Variants in GRIK2 observed in about 807,000 individuals in gnomAD.
GRIK2 encodes the protein glutamate ionotropic receptor kainate type subunit 2.
In GRIK2, 32 loss-of-function variants were observed where a neutral mutation model predicts 100.3. That is an observed-to-expected ratio of 0.32 (90% CI 0.24 to 0.43). GRIK2 has a LOEUF of 0.43. GRIK2 is among the 20% of genes least tolerant of loss of function. The pLI, the probability that GRIK2 is intolerant of heterozygous loss-of-function variation, is 1.00. For synonymous variants in GRIK2, 417 were observed against 389.4 expected (o/e 1.07, Z -0.83); for missense variants, 843 against 1,114.9 (o/e 0.76, Z 3.47).
chr6:101,967,234 A>G (rs1792740599), intron 14 of GRIK2, among the ~76,000 whole-genome samples: 1 of 152,048 alleles, frequency 6.6e-6, no homozygotes, highest in African/African-American at 2.4e-5. Context: ...TAAAAATTAA[A>G]TTGCCTACTT....
intron 4 of GRIK2, among the ~76,000 whole-genome samples, chr6:101,667,043 A>G (rs576399910): frequency 6.6e-6 from 1 of 152,302 alleles, no homozygotes; most frequent in South Asian, 2.1e-4. Context: ...ACCTTTGTCT[A>G]TATTTGTTCA....
At chr6:101,915,312 TA>T (rs1332743772) in intron 12 of GRIK2, among the ~76,000 whole-genome samples, 1 of 151,406 alleles carries the variant, frequency 6.6e-6, no homozygotes, top group African/African-American at 2.4e-5. Context: ...GCAGGTTACA[TA>T]AACTACGTAT....
At chr6:101,965,987 G>A (rs1399175104) in intron 14 of GRIK2, among the ~76,000 whole-genome samples, 1 of 151,956 alleles carries the variant, frequency 6.6e-6, no homozygotes, top group Non-Finnish European at 1.5e-5. Flanking sequence ...ATCCACATTA[G>A]ATAGCATAGA....
At chr6:101,794,040 C>T (rs183629353) in intron 7 of GRIK2, among the ~76,000 whole-genome samples, 20 of 152,254 alleles carry the variant, frequency 1.3e-4, no homozygotes, top group Non-Finnish European at 2.2e-4. Flanking sequence ...TCTCCTGGTG[C>T]GCCATTTCCT....
At chr6:101,436,993 T>A (rs1769755882) in intron 2 of GRIK2, among the ~76,000 whole-genome samples, 1 of 151,154 alleles carries the variant, frequency 6.6e-6, no homozygotes, top group Non-Finnish European at 1.5e-5. Context: ...GCATGAATTT[T>A]AAAAATAATT....
intron 7 of GRIK2, among the ~76,000 whole-genome samples, chr6:101,739,154 T>C (rs987493760): frequency 6.6e-6 from 1 of 152,260 alleles, no homozygotes; most frequent in African/African-American, 2.4e-5. Context: ...TAAGATTTTT[T>C]TGAATATGTC....
chr6:101,656,646 T>C (rs1769206302), intron 4 of GRIK2, among the ~76,000 whole-genome samples: 2 of 152,136 alleles, frequency 1.3e-5, no homozygotes, highest in South Asian at 4.1e-4. Context: ...TAACACATAA[T>C]GAATATCTAT....
At chr6:101,432,816 TA>T (rs1477959379) in intron 2 of GRIK2, among the ~76,000 whole-genome samples, 4 of 152,178 alleles carry the variant, frequency 2.6e-5, no homozygotes, top group Non-Finnish European at 5.9e-5. Context: ...ATCATCTAAA[TA>T]TTTTTTTCTT....
At chr6:101,867,514 A>G (rs922216406) in intron 11 of GRIK2, among the ~76,000 whole-genome samples, 1 of 151,814 alleles carries the variant, frequency 6.6e-6, no homozygotes, top group Non-Finnish European at 1.5e-5. Context: ...TGTAATTCTG[A>G]TTTATGCTAT....
chr6:101,722,139 T>C (rs1774528377), intron 7 of GRIK2, among the ~76,000 whole-genome samples: 1 of 152,002 alleles, frequency 6.6e-6, no homozygotes, highest in African/African-American at 2.4e-5. Flanking sequence ...ATCCTGAACA[T>C]TTCTGAAAGA....
chr6:101,556,321 A>ATTTT (rs10528480), intron 2 of GRIK2, among the ~76,000 whole-genome samples: 2,112 of 59,190 alleles, frequency 0.036, 532 homozygotes, highest in Non-Finnish European at 0.052. Context: ...TATATTGGTA[A>ATTTT]TTTTTTTTTT....
chr6:102,037,769 G>A (rs1434459762), intron 15 of GRIK2, among the ~76,000 whole-genome samples: 1 of 151,296 alleles, frequency 6.6e-6, no homozygotes, highest in Non-Finnish European at 1.5e-5. Flanking sequence ...TGTGATGGGA[G>A]TGCTCAAATC....
intron 9 of GRIK2, among the ~76,000 whole-genome samples, chr6:101,814,130 G>A (rs1781495060): frequency 6.6e-6 from 1 of 152,050 alleles, no homozygotes; most frequent in Admixed American, 6.6e-5. Context: ...ATACACATTA[G>A]TAGACTTAAA....
chr6:101,743,543 G>T (rs1028560790), intron 7 of GRIK2, among the ~76,000 whole-genome samples: 2 of 151,926 alleles, frequency 1.3e-5, no homozygotes, highest in African/African-American at 4.8e-5. Context: ...GCCTTTAGAG[G>T]CTTCCTTCCA....
chr6:101,581,193 C>CAT (rs1390339334), intron 2 of GRIK2, among the ~76,000 whole-genome samples: 11 of 148,390 alleles, frequency 7.4e-5, no homozygotes, highest in Non-Finnish European at 1.3e-4. Context: ...CACACACACA[C>CAT]ATATATATAC....
chr6:101,770,234 T>G (rs1778313176), intron 7 of GRIK2, among the ~76,000 whole-genome samples: 2 of 152,328 alleles, frequency 1.3e-5, no homozygotes, highest in South Asian at 2.1e-4. Flanking sequence ...TAAAAACATT[T>G]CTAACATCCT....
rs187959629 is a variant in GRIK2, at chr6:102,031,285, A to G, written c.2086-4056A>G. ...AAATGCAAATCTGATTTCATCATCC[A>G]TAGACAATCTGCTTCATAATTGCCT... On this transcript the variant is annotated intron_variant, in intron 14 of 16. Coordinates refer to ENST00000369134, the MANE Select transcript of GRIK2 (RefSeq NM_021956.5). Among the ~76,000 whole-genome samples, 40 of 151,236 alleles carry G rather than the reference A, an allele frequency of 2.6e-4. No individual in the cohort carries two copies. In the East Asian group the frequency reaches 7.6e-3, roughly 29 times the overall value.
intron 8 of GRIK2, among the ~76,000 whole-genome samples, chr6:101,801,950 G>A (rs1780698030): frequency 6.6e-6 from 1 of 151,572 alleles, no homozygotes; most frequent in Admixed American, 6.6e-5. Flanking sequence ...TTAGTAGTGG[G>A]ATTTTATAAC....
chr6:101,975,349 C>T (rs1417183014), intron 14 of GRIK2, among the ~76,000 whole-genome samples: 2 of 151,814 alleles, frequency 1.3e-5, no homozygotes, highest in East Asian at 3.9e-4. Flanking sequence ...AGTCAGTGAC[C>T]TGTGGCACTT....
Sources: gnomAD v4.1 joint callset for allele counts (sites outside exome capture counted in the v4.1 genomes callset) on GRCh38, gnomAD v4.1.1 for gene constraint, MANE v1.5 for transcripts, NCBI Gene and HGNC (gene_info 2026-07-23, HGNC 2026-07-21) for gene names.